The following CDK15 variants were observed in gnomAD, a reference collection of about 807,000 sequenced individuals.
The protein encoded by CDK15 is cyclin dependent kinase 15, also known as cyclin-dependent kinase 15.
A neutral mutation model predicts 60.3 loss-of-function variants in CDK15; 62 were observed. That is an observed-to-expected ratio of 1.03 (90% confidence interval 0.84 to 1.27). The LOEUF (loss-of-function observed/expected upper bound fraction) is 1.27. Ranked by LOEUF, CDK15 falls within the 50% of genes most tolerant of loss-of-function variation. The probability of loss-of-function intolerance (pLI) is 0.00; values close to 1 mark genes in which losing one functional copy is unlikely to be tolerated. For synonymous variants in CDK15, 194 were observed against 195.7 expected (o/e 0.99, Z 0.07); for missense variants, 541 against 527.8 (o/e 1.03, Z -0.25).
intron 11 of CDK15, among the ~76,000 whole-genome samples, chr2:201,877,123 G>T (rs1311545595): frequency 6.6e-6 from 1 of 152,078 alleles, no homozygotes; most frequent in Non-Finnish European, 1.5e-5. Context: ...TAAGAAAAGG[G>T]GTGCCCCTAA....
intron 12 of CDK15, among the ~76,000 whole-genome samples, chr2:201,890,332 C>T (rs1228696922): frequency 6.6e-6 from 1 of 152,200 alleles, no homozygotes; most frequent in Non-Finnish European, 1.5e-5. Flanking sequence ...CATGCTGATC[C>T]CTCAACCGGG....
intron 12 of CDK15, chr2:201,889,536 C>T (rs989771655): frequency 6.9e-6 from 4 of 580,528 alleles, no homozygotes; most frequent in Non-Finnish European, 8.7e-6. Context: ...TTCAGATAAG[C>T]CCCTTGCAAT....
chr2:201,816,905 C>G (rs1050522020), intron 4 of CDK15, among the ~76,000 whole-genome samples: 3 of 152,208 alleles, frequency 2.0e-5, no homozygotes, highest in African/African-American at 7.2e-5. Context: ...AATTACCACT[C>G]TTTTCCTAAA....
chr2:201,807,426 A>G (rs1190346994), intron 1 of CDK15, 68 bp from the exon 2 acceptor site: 9 of 1,495,090 alleles, frequency 6.0e-6, no homozygotes, highest in Non-Finnish European at 8.1e-6. Flanking sequence ...TAAAGAAAAA[A>G]TGGTTTTACC....
intron 2 of CDK15, 50 bp from the exon 3 acceptor site, chr2:201,807,808 C>T: frequency 2.5e-6 from 4 of 1,570,628 alleles, no homozygotes; most frequent in Non-Finnish European, 1.7e-6. Flanking sequence ...AAAAAGTGTT[C>T]TTTCTCTCTT....
At chr2:201,859,343 T>TA (rs1404601851) in intron 10 of CDK15, among the ~76,000 whole-genome samples, 3 of 152,166 alleles carry the variant, frequency 2.0e-5, no homozygotes, top group African/African-American at 7.2e-5. Context: ...GGCGAACCTC[T>TA]AGAGACATTT....
chr2:201,860,776 A>C (rs779220453), intron 10 of CDK15: 44 of 1,352,066 alleles, frequency 3.3e-5, no homozygotes, highest in Non-Finnish European at 4.2e-5. Context: ...GCATACTGAC[A>C]TCGGACAGCA....
intron 8 of CDK15, among the ~76,000 whole-genome samples, chr2:201,841,858 C>T (rs568427925): frequency 3.8e-4 from 58 of 152,278 alleles, no homozygotes; most frequent in South Asian, 2.7e-3. Context: ...CATCTTCTGA[C>T]GTCTTTTCTT....
chr2:201,875,312 C>T (rs1162119642), intron 11 of CDK15, among the ~76,000 whole-genome samples: 2 of 152,180 alleles, frequency 1.3e-5, no homozygotes, highest in Non-Finnish European at 2.9e-5. Context: ...CAGGGATGAG[C>T]ACGCTCTTAG....
intron 8 of CDK15, 152 bp from the exon 9 acceptor site, chr2:201,847,229 A>C: frequency 1.5e-6 from 1 of 659,854 alleles, no homozygotes; most frequent in Non-Finnish European, 2.5e-6. Flanking sequence ...TGTTTGACAT[A>C]GGGACTTTTT....
Position 201,835,753 on chromosome 2 carries a change from C to A in CDK15, c.841C>A (p.Leu281Met), listed in dbSNP as rs763892276. 1 of 1,598,144 alleles carries A rather than the reference C, an allele frequency of 6.3e-7. No homozygotes were observed. The highest frequency in any genetic ancestry group is 1.3e-5 in the African/African-American group (1 of 74,446). Residue 281 changes from leucine (L) to methionine (M), a missense_variant, in exon 8 of 14, where the codon CTG becomes ATG. Physicochemically the swap from Leu to Met is conservative, Grantham distance 15. Coordinates refer to ENST00000652192, the MANE Select transcript of CDK15 (RefSeq NM_001366386.2). ...LLGATEYSSE[L>M]DIWGAGCIFI... ...GGGAGCCACTGAATATTCCTCTGAGCTGGACATATGGTAAGAGTGGTGCCG... is the reference window on the plus strand; with the variant it reads ...GGGAGCCACTGAATATTCCTCTGAGATGGACATATGGTAAGAGTGGTGCCG...
At chr2:201,836,078 A>ATATATATTTATATATATTATT (rs1697043422) in intron 8 of CDK15, among the ~76,000 whole-genome samples, 1 of 104,504 alleles carries the variant, frequency 9.6e-6, no homozygotes, top group Non-Finnish European at 1.8e-5. Context: ...TTATATTTAT[A>ATATATATTTATATATATTATT]TATATTTATA....
At chr2:201,864,909 G>A (rs1698555092) in intron 10 of CDK15, among the ~76,000 whole-genome samples, 1 of 152,182 alleles carries the variant, frequency 6.6e-6, no homozygotes, top group Non-Finnish European at 1.5e-5. Flanking sequence ...GGTATTTAAA[G>A]CCTCAGGTGT....
chr2:201,876,918 C>G (rs995266866), intron 11 of CDK15, among the ~76,000 whole-genome samples: 14 of 152,110 alleles, frequency 9.2e-5, no homozygotes, highest in African/African-American at 3.1e-4. Flanking sequence ...CCGCCTCAGC[C>G]CCCTGAGTAG....
In CDK15 at chr2:201,879,040, T is replaced by A. The variant is rs1468582720; in HGVS notation, c.1059-988T>A. Among the ~76,000 whole-genome samples the A allele has an allele frequency of 9.2e-5, 14 of 152,204 alleles. No individual in the cohort carries two copies. The East Asian group carries it at 2.7e-3, about 29-fold the overall frequency. On this transcript the variant is annotated intron_variant, in intron 11 of 13. Transcript: ENST00000652192. ...CTCTACCTGAGCTGCCAGAAGACAGTCTTGTCCTGTGTCTCCCAAAGCCAA... is the reference window on the plus strand; with the variant it reads ...CTCTACCTGAGCTGCCAGAAGACAGACTTGTCCTGTGTCTCCCAAAGCCAA...
intron 10 of CDK15, among the ~76,000 whole-genome samples, chr2:201,868,669 G>T (rs1471438144): frequency 1.4e-5 from 2 of 139,962 alleles, no homozygotes; most frequent in African/African-American, 5.6e-5. Flanking sequence ...AATCTACAAA[G>T]AACTTAAATA....
At chr2:201,857,634 T>C (rs1370657901) in intron 10 of CDK15, among the ~76,000 whole-genome samples, 2 of 152,164 alleles carry the variant, frequency 1.3e-5, no homozygotes, top group African/African-American at 2.4e-5. Flanking sequence ...GCTGAGCTTA[T>C]GGAGCAAAGG....
Position 201,834,799 on chromosome 2 carries a change from G to A in CDK15, c.730+828G>A, listed in dbSNP as rs118027925. ...GATGCCAAATGGTGATACTATCACTGCAGTATTTATTCTGAGATGGCAGCT... is the reference window on the plus strand; with the variant it reads ...GATGCCAAATGGTGATACTATCACTACAGTATTTATTCTGAGATGGCAGCT... On this transcript the variant is annotated intron_variant, in intron 7 of 13. Transcript: ENST00000652192. Among the ~76,000 whole-genome samples the A allele has an allele frequency of 1.7e-4, 26 of 152,310 alleles. No homozygotes were observed. In the East Asian group the frequency reaches 4.8e-3, roughly 28 times the overall value.
intron 9 of CDK15, among the ~76,000 whole-genome samples, chr2:201,849,385 A>G (rs539964614): frequency 2.4e-4 from 36 of 152,182 alleles, no homozygotes; most frequent in Non-Finnish European, 5.0e-4. Flanking sequence ...CTTGTCCACA[A>G]TAGAGGAAGC....
Sources: gnomAD v4.1 joint callset for allele counts (sites outside exome capture counted in the v4.1 genomes callset) on GRCh38, gnomAD v4.1.1 for gene constraint, MANE v1.5 for transcripts, NCBI Gene and HGNC (gene_info 2026-07-23, HGNC 2026-07-21) for gene names.